The following ZNF675 variants were observed in gnomAD, a reference collection of about 807,000 sequenced individuals.
The protein encoded by ZNF675 is zinc finger protein 675, also known as TRAF6 inhibitory zinc finger.
Under a neutral mutation model 56.1 loss-of-function variants are expected in ZNF675, and 36 were observed. The observed-to-expected ratio is 0.64, with a 90% confidence interval of 0.49 to 0.85. The LOEUF (loss-of-function observed/expected upper bound fraction) is 0.85. Ranked by LOEUF, ZNF675 falls within the 40% of genes least tolerant of loss-of-function variation. The pLI, the probability that ZNF675 is intolerant of heterozygous loss-of-function variation, is 0.00. For missense variants in ZNF675, 663 were observed against 654.2 expected, an observed-to-expected ratio of 1.01 and a Z score of -0.15; for synonymous variants, 200 against 218.9, an observed-to-expected ratio of 0.91 and a Z score of 0.76.
intron 1 of ZNF675, chr19:23,686,184 A>G (rs1968439731): frequency 6.6e-6 from 1 of 152,196 alleles, no homozygotes; most frequent in African/African-American, 2.4e-5. Context: ...TGTACCTTTA[A>G]AAGTCTTTCC....
chr19:23,676,544 G>T (rs1471952087), intron 1 of ZNF675, among the ~76,000 whole-genome samples: 1 of 151,744 alleles, frequency 6.6e-6, no homozygotes, highest in Non-Finnish European at 1.5e-5. Context: ...CACAAGGTTG[G>T]TTCAATATAT....
chr19:23,671,526 C>CCCCTGGAG (rs758463713), intron 1 of ZNF675, among the ~76,000 whole-genome samples: 2 of 152,054 alleles, frequency 1.3e-5, no homozygotes, highest in Non-Finnish European at 2.9e-5. Flanking sequence ...GCTGTCAATG[C>CCCCTGGAG]AAAGGTACCA....
intron 1 of ZNF675, among the ~76,000 whole-genome samples, chr19:23,686,784 G>A (rs1001392998): frequency 6.6e-6 from 1 of 152,184 alleles, no homozygotes; most frequent in Non-Finnish European, 1.5e-5. Context: ...CGGGTACAGA[G>A]CTGCCCAGAG....
At chr19:23,662,831 A>C (rs1568290552) in intron 2 of ZNF675, among the ~76,000 whole-genome samples, 1 of 151,882 alleles carries the variant, frequency 6.6e-6, no homozygotes, top group African/African-American at 2.4e-5. Context: ...AATACAAAAA[A>C]AAATTAGCTA....
chr19:23,665,991 C>T (rs1968145840), intron 1 of ZNF675, among the ~76,000 whole-genome samples: 1 of 152,118 alleles, frequency 6.6e-6, no homozygotes. Context: ...ACAGAATAAA[C>T]AGAAGGCAGC....
At chr19:23,673,874 C>G (rs1192790859) in intron 1 of ZNF675, among the ~76,000 whole-genome samples, 1 of 149,560 alleles carries the variant, frequency 6.7e-6, no homozygotes, top group Non-Finnish European at 1.5e-5. Context: ...AAAATTTTAT[C>G]CGGCCCCAGA....
intron 3 of ZNF675, among the ~76,000 whole-genome samples, chr19:23,658,944 TAGATCTCTAG>T (rs1402306448): frequency 6.9e-5 from 3 of 43,456 alleles, no homozygotes; most frequent in Admixed American, 3.6e-4. Flanking sequence ...TCTATAGATA[TAGATCTCTAG>T]AGATCTATAG....
chr19:23,658,866 G>GATAT (rs1347594095), intron 3 of ZNF675, among the ~76,000 whole-genome samples: 485 of 4,986 alleles, frequency 0.097, 2 homozygotes, highest in African/African-American at 0.2. Context: ...TATAGAAATA[G>GATAT]ATCTATAGAT....
chr19:23,671,284 A>G lies in ZNF675; in HGVS notation c.4-8126T>C, dbSNP rs1210536880. 3.9e-5 allele frequency among the ~76,000 whole-genome samples: 6 copies of G among 152,184 alleles called. No individual in the cohort carries two copies. The East Asian group carries it at 1.2e-3, about 29-fold the overall frequency. The stretch of plus-strand genomic sequence containing the variant: ...TAACCAAAACCAGCTTCTTGATACA[A>G]TGTTTATGGTGTATAACAATTGTGA... On this transcript the variant is annotated intron_variant, in intron 1 of 3. Coordinates refer to ENST00000359788, the MANE Select transcript of ZNF675 (RefSeq NM_138330.3).
At chr19:23,655,569 C>G (rs1808922031) in intron 3 of ZNF675, 2 of 151,854 alleles carry the variant, frequency 1.3e-5, no homozygotes, top group South Asian at 4.2e-4. Context: ...CCAAGCCATT[C>G]ATGAGGAACT....
chr19:23,662,777 C>T (rs535229521), intron 2 of ZNF675, among the ~76,000 whole-genome samples: 15 of 151,970 alleles, frequency 9.9e-5, no homozygotes, highest in Non-Finnish European at 1.8e-4. Context: ...GTCACGAGTT[C>T]GAGACCAGCC....
intron 3 of ZNF675, among the ~76,000 whole-genome samples, chr19:23,661,082 A>C (rs780945104): frequency 1.3e-5 from 2 of 152,050 alleles, no homozygotes; most frequent in Non-Finnish European, 2.9e-5. Context: ...GATGTGTGCC[A>C]CCACACCTGG....
intron 3 of ZNF675, among the ~76,000 whole-genome samples, chr19:23,660,798 C>G (rs1257238141): frequency 6.6e-6 from 1 of 152,004 alleles, no homozygotes; most frequent in African/African-American, 2.4e-5. Flanking sequence ...TATCAAAATT[C>G]CAGTGGCATT....
At chr19:23,663,236 A>G in intron 1 of ZNF675, 78 bp from the exon 2 acceptor site, 2 of 1,509,554 alleles carry the variant, frequency 1.3e-6, no homozygotes, top group Admixed American at 2.2e-5. Flanking sequence ...AAAATGAGAG[A>G]CTAAAGAGAA....
intron 1 of ZNF675, among the ~76,000 whole-genome samples, chr19:23,678,643 A>G (rs1181498427): frequency 6.7e-6 from 1 of 148,766 alleles, no homozygotes; most frequent in Non-Finnish European, 1.5e-5. Flanking sequence ...CTAAGCAAAA[A>G]TAACAAAGCT....
At position 23,664,721 on chromosome 19, in the gene ZNF675, T is replaced by G. The variant is rs999329124; in HGVS notation, c.4-1563A>C. On this transcript the variant is annotated intron_variant, in intron 1 of 3. Coordinates refer to ENST00000359788, the MANE Select transcript of ZNF675 (RefSeq NM_138330.3). Reference sequence around the variant, plus strand: ...ATCGCAGCACTTTGGGAGGCCAAAGTGGGCAGATCACTCGAGGCCAGGAAT... The same window carrying G: ...ATCGCAGCACTTTGGGAGGCCAAAGGGGGCAGATCACTCGAGGCCAGGAAT... 8.6e-5 allele frequency among the ~76,000 whole-genome samples: 13 copies of G among 151,178 alleles called. 1 individual carries two copies. Among genetic ancestry groups the G allele is most frequent in the East Asian group, 2.0e-4 (1 of 5,020 alleles).
chr19:23,661,311 C>G (rs907222125), intron 3 of ZNF675, among the ~76,000 whole-genome samples: 1 of 151,824 alleles, frequency 6.6e-6, no homozygotes, highest in Non-Finnish European at 1.5e-5. Context: ...GTGCCTGGCC[C>G]TTGAGCCGAT....
In ZNF675 at chr19:23,682,054, TAG is replaced by T. The variant is rs1320970723; in HGVS notation, c.3+4975_3+4976del. Among the ~76,000 whole-genome samples the T allele has an allele frequency of 5.9e-5, 9 of 151,806 alleles. 1 individual carries two copies. Among genetic ancestry groups the T allele is most frequent in the African/African-American group, 9.7e-5 (4 of 41,080 alleles). The stretch of plus-strand genomic sequence containing the variant: ...TTCTCACCTGTTGTAGAGCCAGACA[TAG>T]ACTCTGCATATTTTCTTCCTTTTCT... On this transcript the variant is annotated intron_variant, in intron 1 of 3. Coordinates refer to ENST00000359788, the MANE Select transcript of ZNF675 (RefSeq NM_138330.3).
intron 1 of ZNF675, among the ~76,000 whole-genome samples, chr19:23,670,828 G>A (rs554348907): frequency 1.3e-5 from 2 of 152,222 alleles, no homozygotes; most frequent in Admixed American, 6.5e-5. Context: ...ATTTATTCTA[G>A]CAACCTGTTG....
Sources: allele counts gnomAD v4.1 joint callset (sites outside exome capture counted in the v4.1 genomes callset), GRCh38; gene constraint gnomAD v4.1.1; transcripts MANE v1.5; gene names NCBI Gene and HGNC (gene_info 2026-07-23, HGNC 2026-07-21).